TLK1: variants seen among roughly 807,000 people sequenced by gnomAD.
The protein encoded by TLK1 is tousled like kinase 1.
A neutral mutation model predicts 105.3 loss-of-function variants in TLK1; 24 were observed. That is an observed-to-expected ratio of 0.23 (90% CI 0.17 to 0.32). TLK1 has a LOEUF of 0.32. TLK1 is among the 10% of genes least tolerant of loss of function. TLK1 has a pLI of 1.00. For missense variants in TLK1, 558 were observed against 910.5 expected, an observed-to-expected ratio of 0.61 and a Z score of 4.98; for synonymous variants, 321 against 310.4, an observed-to-expected ratio of 1.03 and a Z score of -0.36.
chr2:171,185,350 T>G (rs1693007362), intron 1 of TLK1, among the ~76,000 whole-genome samples: 1 of 152,164 alleles, frequency 6.6e-6, no homozygotes, highest in South Asian at 2.1e-4. Flanking sequence ...ATCATCAGAT[T>G]TCTACCCTTT....
chr2:171,008,767 T>C (rs1349451946), intron 14 of TLK1, among the ~76,000 whole-genome samples: 1 of 152,218 alleles, frequency 6.6e-6, no homozygotes, highest in African/African-American at 2.4e-5. Flanking sequence ...TAGGTCAGTA[T>C]AGAAAGTTCA....
chr2:171,027,682 A>G (rs1685840820), intron 12 of TLK1, among the ~76,000 whole-genome samples: 1 of 152,218 alleles, frequency 6.6e-6, no homozygotes, highest in African/African-American at 2.4e-5. Context: ...ACAATATGGA[A>G]TTTTAGATTT....
chr2:171,213,260 A>G (rs1693653843), intron 1 of TLK1, among the ~76,000 whole-genome samples: 1 of 150,594 alleles, frequency 6.6e-6, no homozygotes, highest in Non-Finnish European at 1.5e-5. Flanking sequence ...GTACAGTGGC[A>G]TGACAATCAT....
At chr2:171,002,321 C>G (rs563066875) in intron 18 of TLK1, among the ~76,000 whole-genome samples, 2 of 152,054 alleles carry the variant, frequency 1.3e-5, no homozygotes, top group Non-Finnish European at 2.9e-5. Flanking sequence ...TGCCATGGCA[C>G]AATCTCAGCT....
At chr2:171,074,175 G>A (rs60893563) in intron 3 of TLK1, among the ~76,000 whole-genome samples, 1 of 152,166 alleles carries the variant, frequency 6.6e-6, no homozygotes, top group African/African-American at 2.4e-5. Flanking sequence ...ACAGGCATGA[G>A]CCGCCCCTCC....
Position 170,993,923 on chromosome 2 carries a change from C to T in TLK1, c.2158G>A (p.Glu720Lys), listed in dbSNP as rs1371911639. 2 of 1,610,676 alleles carry T rather than the reference C, an allele frequency of 1.2e-6. No individual in the cohort carries two copies. The highest frequency in any genetic ancestry group is 2.7e-5 in the African/African-American group (2 of 74,758). Residue 720 changes from glutamate to lysine, a missense_variant, in exon 21 of 21, where the codon GAA (glutamate) becomes AAA (lysine). By Grantham distance (56) the Glu-to-Lys change is moderately conservative. Coordinates refer to ENST00000431350, the MANE Select transcript of TLK1 (RefSeq NM_012290.5). ...AGCTGGTGCACATCAAATCGATCTT[C>T]TTTTCGATATGCCAAACAGCGTCTT... ...FIRRCLAYRKEDRFDVHQLAN... is the reference protein window; with the variant it reads ...FIRRCLAYRKKDRFDVHQLAN...
chr2:171,201,700 G>A lies in TLK1; in HGVS notation c.-6+29445C>T, dbSNP rs1693400638. On this transcript the variant is annotated intron_variant, in intron 1 of 20. Transcript: ENST00000521943. ...GGTACAACTCTGAAGAAATCTCAGG[G>A]ATTCTTTCACTTAAAGTTTTCTGTT... 2.0e-5 allele frequency among the ~76,000 whole-genome samples: 3 copies of A among 152,128 alleles called. No individual in the cohort carries two copies. In the South Asian group the frequency reaches 6.2e-4, roughly 32 times the overall value.
intron 1 of TLK1, among the ~76,000 whole-genome samples, chr2:171,129,704 G>A (rs1405053794): frequency 3.9e-5 from 6 of 152,008 alleles, no homozygotes; most frequent in Admixed American, 3.3e-4. Flanking sequence ...ATCCAGGCAT[G>A]GTAGTCCGCA....
At chr2:171,050,239 T>C in intron 8 of TLK1, 65 bp from the exon 9 acceptor site, 2 of 1,134,446 alleles carry the variant, frequency 1.8e-6, no homozygotes. Flanking sequence ...AGAAATAGTT[T>C]TAATGTTCTA....
At chr2:171,045,015 T>C (rs1044140953) in intron 11 of TLK1, among the ~76,000 whole-genome samples, 7 of 151,992 alleles carry the variant, frequency 4.6e-5, no homozygotes, top group Admixed American at 2.0e-4. Flanking sequence ...ATATAGAGAC[T>C]AAAGGGATTT....
intron 2 of TLK1, among the ~76,000 whole-genome samples, chr2:171,091,366 T>C (rs1477340749): frequency 2.0e-5 from 3 of 152,218 alleles, no homozygotes; most frequent in Middle Eastern, 3.2e-3. Flanking sequence ...TAAACATTCC[T>C]TGCATCCCTA....
intron 1 of TLK1, among the ~76,000 whole-genome samples, chr2:171,211,500 G>A (rs1049231855): frequency 6.6e-6 from 1 of 151,718 alleles, no homozygotes; most frequent in African/African-American, 2.4e-5. Context: ...ATGCTATTTT[G>A]CACAGACTAC....
intron 2 of TLK1, among the ~76,000 whole-genome samples, chr2:171,106,056 C>T (rs1689910788): frequency 6.6e-6 from 1 of 152,192 alleles, no homozygotes; most frequent in South Asian, 2.1e-4. Context: ...CACAGCAACA[C>T]TGATGAGCTT....
intron 2 of TLK1, among the ~76,000 whole-genome samples, chr2:171,099,566 G>T (rs888273379): frequency 6.6e-6 from 1 of 152,084 alleles, no homozygotes; most frequent in Non-Finnish European, 1.5e-5. Flanking sequence ...CTTGAAAAAA[G>T]AACAGAGTTG....
chr2:171,160,217 C>CGGGG lies in TLK1; in HGVS notation c.139+69_139+72dup. On this transcript the variant is annotated intron_variant, in intron 1 of 20. Transcript: ENST00000431350. This position sits in a 1 kb window ranked among gnomAD's most constrained non-coding sequence, Gnocchi z 4.4. ...CGGAGAAGCCCCGGGGCGGGGGGGG[C>CGGGG]GGGGGGGGGGCGCGGGGGTCCGCGG... 1.0e-6 allele frequency: 1 copy of CGGGG among 958,282 alleles called. No homozygotes were observed. 59.4% of individuals were successfully genotyped at this position (958,282 alleles called of 1,614,324 possible).
At chr2:171,078,084 T>C (rs1389536447) in intron 3 of TLK1, among the ~76,000 whole-genome samples, 3 of 152,162 alleles carry the variant, frequency 2.0e-5, no homozygotes, top group Non-Finnish European at 4.4e-5. Context: ...GAATTCCAGA[T>C]ATCTTCTACT....
At chr2:171,083,768 T>C (rs1394877888) in intron 2 of TLK1, among the ~76,000 whole-genome samples, 3 of 152,156 alleles carry the variant, frequency 2.0e-5, no homozygotes, top group Non-Finnish European at 2.9e-5. Context: ...CTCTGAGCCA[T>C]TGCATACATG....
At chr2:171,070,592 G>C (rs1301243104) in intron 3 of TLK1, among the ~76,000 whole-genome samples, 2 of 152,268 alleles carry the variant, frequency 1.3e-5, no homozygotes, top group East Asian at 3.9e-4. Flanking sequence ...CCATGTTGTT[G>C]CAAATGACAG....
At chr2:171,184,429 A>C (rs551346560) in intron 1 of TLK1, among the ~76,000 whole-genome samples, 169 of 152,190 alleles carry the variant, frequency 1.1e-3, no homozygotes, top group African/African-American at 3.8e-3. Context: ...GATCACCTGA[A>C]TTCGGGAGTT....
Sources: allele counts gnomAD v4.1 joint callset (sites outside exome capture counted in the v4.1 genomes callset), GRCh38; gene constraint gnomAD v4.1.1; non-coding constraint Gnocchi (gnomAD v3.1); transcripts MANE v1.5; gene names NCBI Gene and HGNC (gene_info 2026-07-23, HGNC 2026-07-21).